ARMH4: variants seen among roughly 807,000 people sequenced by gnomAD.
ARMH4 encodes the protein armadillo like helical domain containing 4, also known as armadillo-like helical domain-containing protein 4.
ARMH4 carries 49 observed loss-of-function variants against 61.9 expected under a neutral mutation model. The observed-to-expected ratio is 0.79, with a 90% confidence interval of 0.63 to 1.00. The LOEUF is 1.00. Ranked by LOEUF, ARMH4 falls within the 50% of genes least tolerant of loss-of-function variation. The pLI is 0.00. For synonymous variants in ARMH4, 368 were observed against 341.5 expected (o/e 1.08, Z -0.85); for missense variants, 934 against 930.0 (o/e 1.00, Z -0.06).
intron 5 of ARMH4, among the ~76,000 whole-genome samples, chr14:58,084,037 GT>G (rs1417613580): frequency 6.6e-6 from 1 of 152,208 alleles, no homozygotes; most frequent in African/African-American, 2.4e-5. Context: ...CTAGACCAAG[GT>G]TTTAAAGTAA....
At chr14:58,081,885 A>G (rs1239352590) in intron 5 of ARMH4, among the ~76,000 whole-genome samples, 1 of 152,014 alleles carries the variant, frequency 6.6e-6, no homozygotes. Flanking sequence ...CTTTCTTAAT[A>G]GCATCCCATA....
intron 4 of ARMH4, among the ~76,000 whole-genome samples, chr14:58,108,491 G>C (rs1243615044): frequency 2.0e-5 from 3 of 152,130 alleles, no homozygotes; most frequent in African/African-American, 4.8e-5. Context: ...CAAAGTTACT[G>C]ACTGCTATAT....
rs1185591591 is a variant in ARMH4 at position 58,011,764 on chromosome 14, A to AG, written c.2121+354dup. Among the ~76,000 whole-genome samples the AG allele has an allele frequency of 4.4e-3, 491 of 112,260 alleles. 4 individuals carry two copies. Among genetic ancestry groups the AG allele is most frequent in the African/African-American group, 0.013 (474 of 36,258 alleles). 73.6% of individuals were successfully genotyped at this position (112,260 alleles called of 152,430 possible). ...CTACACACCTAGAGAGTCTCATATT[A>AG]GAAAAAAAAAAAAAAAAACAGATGG... On this transcript the variant is annotated intron_variant, in intron 6 of 7. Transcript: ENST00000267485.
chr14:58,142,687 G>C (rs1195579867), intron 1 of ARMH4, among the ~76,000 whole-genome samples: 1 of 151,952 alleles, frequency 6.6e-6, no homozygotes, highest in African/African-American at 2.4e-5. Context: ...GGCCAGACTG[G>C]TCTTGAACTC....
At chr14:58,084,493 A>G (rs1293106276) in intron 5 of ARMH4, among the ~76,000 whole-genome samples, 2 of 152,198 alleles carry the variant, frequency 1.3e-5, no homozygotes, top group Non-Finnish European at 2.9e-5. Context: ...AGTTCACCCA[A>G]TGCCTATGGC....
At chr14:58,053,804 T>C (rs1004325716) in intron 5 of ARMH4, among the ~76,000 whole-genome samples, 22 of 152,164 alleles carry the variant, frequency 1.4e-4, no homozygotes, top group African/African-American at 5.1e-4. Flanking sequence ...CTTTTGTTAG[T>C]GGAGAATGTT....
intron 4 of ARMH4, among the ~76,000 whole-genome samples, chr14:58,108,326 T>C (rs185641361): frequency 1.3e-5 from 2 of 152,334 alleles, no homozygotes; most frequent in East Asian, 3.9e-4. Context: ...GAGATATATA[T>C]TAGACTATAT....
Position 58,139,233 on chromosome 14 carries a change from C to A in ARMH4, c.126G>T (p.Ala42=), listed in dbSNP as rs199616242. The A allele has an allele frequency of 8.7e-6, 14 of 1,614,138 alleles. No individual in the cohort carries two copies. The South Asian group carries it at 1.5e-4, about 18-fold the overall frequency. ...TCATCTTATCGGACTGCCCTTTTTC[C>A]GCATGAACATGTGCTATCTCCCTCC... ...ERRREIAHVH[A]EKGQSDKMNT... The change falls in exon 2 of 8, where the codon GCG becomes GCT. Residue 42 remains alanine, a synonymous_variant. Transcript: ENST00000267485.
rs1881973328 is a variant in ARMH4 at position 58,001,233 on chromosome 14, ACATT to A, written c.*3499_*3502del. On this transcript the variant is annotated 3_prime_UTR_variant, in exon 8 of 8. Transcript: ENST00000267485. The stretch of plus-strand genomic sequence containing the variant: ...TAATATTCTACTGTATGTATATACC[ACATT>A]TTCTTTATCCATTCATCTATTGATA... The A allele has an allele frequency of 6.6e-6, 1 of 152,170 alleles. No homozygotes were observed. The allele number at this position is 152,170 out of a possible 1,614,324, so 9.4% of individuals were successfully genotyped here.
Position 58,044,154 on chromosome 14 carries a change from C to T in ARMH4, c.2090-32004G>A, listed in dbSNP as rs1316660770. 9.2e-4 allele frequency among the ~76,000 whole-genome samples: 140 copies of T among 152,106 alleles called. 1 individual carries two copies. Among genetic ancestry groups the T allele is most frequent in the Admixed American group, 9.2e-3 (140 of 15,266 alleles). Reference sequence around the variant, plus strand: ...GGAACCAAAAAAGAGCCCGCATTGCCAAATCAATCCTAAGCCAAAAGAACA... The same window carrying T: ...GGAACCAAAAAAGAGCCCGCATTGCTAAATCAATCCTAAGCCAAAAGAACA... On this transcript the variant is annotated intron_variant, in intron 5 of 7. Transcript: ENST00000267485.
chr14:58,151,540 C>G (rs1887921910), intron 1 of ARMH4, among the ~76,000 whole-genome samples: 2 of 152,170 alleles, frequency 1.3e-5, no homozygotes, highest in South Asian at 4.2e-4. Flanking sequence ...AAACACTCAA[C>G]TGTTTGTTTT....
At chr14:58,150,278 T>C (rs988438316) in intron 1 of ARMH4, among the ~76,000 whole-genome samples, 2 of 152,240 alleles carry the variant, frequency 1.3e-5, no homozygotes, top group African/African-American at 4.8e-5. Context: ...ACCTCACATC[T>C]TGCTTAGGGA....
Position 58,096,911 on chromosome 14 carries a change from ATCT to A in ARMH4, c.1899_1901del (p.Glu633del). 6.2e-7 allele frequency: 1 copy of A among 1,613,974 alleles called. No individual in the cohort carries two copies. Among genetic ancestry groups the A allele is most frequent in the Non-Finnish European group, 8.5e-7 (1 of 1,179,964 alleles). On this transcript the variant is annotated inframe_deletion, in exon 5 of 8. Coordinates refer to ENST00000267485, the MANE Select transcript of ARMH4 (RefSeq NM_001001872.4). ...GCGAGTCTGCATCTTTATCTTCCTC[ATCT>A]TCTTCCTCATCTTCCTCTTCTTCAT...
At chr14:58,052,017 C>T (rs1329370516) in intron 5 of ARMH4, among the ~76,000 whole-genome samples, 1 of 152,170 alleles carries the variant, frequency 6.6e-6, no homozygotes, top group African/African-American at 2.4e-5. Context: ...TGATAAATTA[C>T]CCAAAGGGTC....
At chr14:58,059,390 A>G (rs1884457285) in intron 5 of ARMH4, among the ~76,000 whole-genome samples, 3 of 152,252 alleles carry the variant, frequency 2.0e-5, no homozygotes, top group Admixed American at 2.0e-4. Context: ...AGACAGTGAT[A>G]TCACTGTAGA....
chr14:58,031,811 T>C (rs1488853669), intron 5 of ARMH4, among the ~76,000 whole-genome samples: 2 of 152,154 alleles, frequency 1.3e-5, no homozygotes, highest in Admixed American at 1.3e-4. Flanking sequence ...TTGTTTCCTA[T>C]CATATACTTC....
intron 5 of ARMH4, among the ~76,000 whole-genome samples, chr14:58,045,502 A>T (rs1303002793): frequency 6.6e-6 from 1 of 152,080 alleles, no homozygotes; most frequent in Non-Finnish European, 1.5e-5. Flanking sequence ...TAGGAGATAT[A>T]CCTAATGTAA....
intron 5 of ARMH4, among the ~76,000 whole-genome samples, chr14:58,058,069 A>G (rs1884407799): frequency 6.6e-6 from 1 of 152,184 alleles, no homozygotes; most frequent in African/African-American, 2.4e-5. Context: ...TTTCTTCAGC[A>G]AAGGAAGATA....
chr14:58,125,972 G>A (rs1351208656), intron 4 of ARMH4, among the ~76,000 whole-genome samples: 1 of 152,098 alleles, frequency 6.6e-6, no homozygotes, highest in African/African-American at 2.4e-5. Context: ...ACGCTAATTA[G>A]GCTAAAACAG....
Sources: allele counts gnomAD v4.1 joint callset (sites outside exome capture counted in the v4.1 genomes callset), GRCh38; gene constraint gnomAD v4.1.1; transcripts MANE v1.5; gene names NCBI Gene and HGNC (gene_info 2026-07-23, HGNC 2026-07-21).